Variants in ZCWPW2 observed in about 807,000 individuals in gnomAD.
ZCWPW2 encodes zinc finger CW-type PWWP domain protein 2.
In ZCWPW2, 45 loss-of-function variants were observed where a neutral mutation model predicts 46.6. The observed-to-expected ratio is 0.96, with a 90% CI of 0.76 to 1.24. The LOEUF (loss-of-function observed/expected upper bound fraction) is 1.24. ZCWPW2 is among the 50% of genes most tolerant of loss of function. The pLI is 0.00. For synonymous variants in ZCWPW2, 152 were observed against 137.1 expected (o/e 1.11, Z -0.76); for missense variants, 429 against 403.9 (o/e 1.06, Z -0.53).
rs1361024742 is a variant in ZCWPW2, at chr3:28,413,218, CA to C, written c.152del (p.Lys51ArgfsTer12). On this transcript the variant is annotated frameshift_variant, in exon 3 of 10. Coordinates refer to ENST00000383768, the MANE Select transcript of ZCWPW2 (RefSeq NM_001040432.4). LOFTEE classifies it high-confidence loss of function. ...GATTGTTATCAAGTGAGGATTCAGC[CA>C]AGGTTGATCATGATGAACCATGGTA... Reference protein sequence around the residue: ...WRLLSSEDSAKVDHDEPWYCF... With the variant: ...WRLLSSEDSAXVDHDEPWYCF... 3 of 1,613,146 alleles carry C rather than the reference CA, an allele frequency of 1.9e-6. No homozygotes were observed. Among genetic ancestry groups the C allele is most frequent in the Non-Finnish European group, 2.5e-6 (3 of 1,179,524 alleles).
At chr3:28,505,006 A>AAATTATTAG (rs1330583793) in intron 6 of ZCWPW2, among the ~76,000 whole-genome samples, 1 of 152,198 alleles carries the variant, frequency 6.6e-6, no homozygotes, top group African/African-American at 2.4e-5. Context: ...AAGGCTTTAA[A>AAATTATTAG]AATTATTAGT....
chr3:28,369,557 G>C (rs900745618), intron 1 of ZCWPW2, among the ~76,000 whole-genome samples: 2 of 152,298 alleles, frequency 1.3e-5, no homozygotes, highest in African/African-American at 4.8e-5. Flanking sequence ...TGAGGTGTCA[G>C]TCTGCCCCTA....
intron 4 of ZCWPW2, among the ~76,000 whole-genome samples, chr3:28,459,380 AAAAAAC>A (rs1031934380): frequency 6.7e-5 from 10 of 148,798 alleles, no homozygotes; most frequent in African/African-American, 2.3e-4. Context: ...CAAAGAAAAA[AAAAAAC>A]AAAAAACAAA....
chr3:28,379,808 G>A (rs1390837855), intron 1 of ZCWPW2, among the ~76,000 whole-genome samples: 1 of 152,020 alleles, frequency 6.6e-6, no homozygotes, highest in Non-Finnish European at 1.5e-5. Context: ...ATAGAAAAAC[G>A]TGACCATTTG....
At chr3:28,417,216 A>G (rs905802933) in intron 3 of ZCWPW2, among the ~76,000 whole-genome samples, 11 of 152,134 alleles carry the variant, frequency 7.2e-5, no homozygotes, top group African/African-American at 2.2e-4. Flanking sequence ...ACAAACTACC[A>G]TCAGAGAATA....
At chr3:28,487,247 CT>C (rs1699633226) in intron 5 of ZCWPW2, among the ~76,000 whole-genome samples, 1 of 151,910 alleles carries the variant, frequency 6.6e-6, no homozygotes, top group Non-Finnish European at 1.5e-5. Context: ...GTATGTCACA[CT>C]TTTCTAGTTG....
intron 5 of ZCWPW2, among the ~76,000 whole-genome samples, chr3:28,481,148 C>T (rs1294200672): frequency 6.6e-6 from 1 of 152,002 alleles, no homozygotes; most frequent in Non-Finnish European, 1.5e-5. Context: ...AGGTATGCGG[C>T]GTTATTTCTG....
chr3:28,469,666 G>T (rs1051241666), intron 4 of ZCWPW2, among the ~76,000 whole-genome samples: 12 of 151,192 alleles, frequency 7.9e-5, no homozygotes, highest in African/African-American at 2.7e-4. Flanking sequence ...TCATCAAGAG[G>T]ATATAACAGT....
At chr3:28,390,880 T>G (rs1023773788) in intron 2 of ZCWPW2, among the ~76,000 whole-genome samples, 1 of 152,138 alleles carries the variant, frequency 6.6e-6, no homozygotes, top group Non-Finnish European at 1.5e-5. Context: ...TTGGGTTGGT[T>G]AGGTGGAAGA....
chr3:28,368,248 C>T (rs1471097201), intron 1 of ZCWPW2, among the ~76,000 whole-genome samples: 2 of 152,116 alleles, frequency 1.3e-5, no homozygotes, highest in African/African-American at 4.8e-5. Context: ...CCTCGATGGT[C>T]TTTACAATTT....
intron 5 of ZCWPW2, among the ~76,000 whole-genome samples, 155 bp downstream of exon 5, chr3:28,479,086 G>A (rs950255620): frequency 1.3e-5 from 2 of 152,014 alleles, no homozygotes; most frequent in African/African-American, 2.4e-5. Context: ...TTATATCAAT[G>A]AATAGCATAT....
intron 6 of ZCWPW2, among the ~76,000 whole-genome samples, chr3:28,511,311 A>G (rs1268115359): frequency 6.6e-6 from 1 of 152,196 alleles, no homozygotes; most frequent in Non-Finnish European, 1.5e-5. Flanking sequence ...AAAATTATGA[A>G]ACTTGAAAAT....
chr3:28,358,547 T>C (rs1402770562), intron 1 of ZCWPW2, among the ~76,000 whole-genome samples: 1 of 152,162 alleles, frequency 6.6e-6, no homozygotes, highest in African/African-American at 2.4e-5. Flanking sequence ...TTGTCCTAGA[T>C]GAAAACATAT....
chr3:28,466,961 T>C (rs902035437), intron 4 of ZCWPW2, among the ~76,000 whole-genome samples: 15 of 152,098 alleles, frequency 9.9e-5, no homozygotes, highest in Non-Finnish European at 2.1e-4. Context: ...ACAAACTAAT[T>C]ATAAATTTGT....
chr3:28,523,859 A>G (rs2125841338), intron 9 of ZCWPW2, among the ~76,000 whole-genome samples: 1 of 152,246 alleles, frequency 6.6e-6, no homozygotes, highest in East Asian at 1.9e-4. Context: ...GAGGAAATAA[A>G]TTTTAGATTT....
At chr3:28,363,874 C>T (rs188319523) in intron 1 of ZCWPW2, among the ~76,000 whole-genome samples, 1 of 152,188 alleles carries the variant, frequency 6.6e-6, no homozygotes, top group Admixed American at 6.5e-5. Flanking sequence ...CCTTCCTCAT[C>T]TAGCCCTCTG....
At chr3:28,505,138 A>G (rs1172520922) in intron 6 of ZCWPW2, among the ~76,000 whole-genome samples, 1 of 152,118 alleles carries the variant, frequency 6.6e-6, no homozygotes, top group African/African-American at 2.4e-5. Context: ...ATCAACTGCT[A>G]TTTTTAGGGA....
intron 1 of ZCWPW2, among the ~76,000 whole-genome samples, chr3:28,366,966 A>G (rs1705141361): frequency 6.6e-6 from 1 of 152,070 alleles, no homozygotes; most frequent in South Asian, 2.1e-4. Flanking sequence ...GGTAGTTTGT[A>G]TTTCTGTGGG....
chr3:28,425,227 T>C (rs1182486821), intron 3 of ZCWPW2, among the ~76,000 whole-genome samples: 1 of 152,188 alleles, frequency 6.6e-6, no homozygotes, highest in Non-Finnish European at 1.5e-5. Context: ...ACCTTCTTAT[T>C]TACTGGAGAG....
Sources: gnomAD v4.1 joint callset for allele counts (sites outside exome capture counted in the v4.1 genomes callset) on GRCh38, gnomAD v4.1.1 for gene constraint, MANE v1.5 for transcripts, NCBI Gene and HGNC (gene_info 2026-07-23, HGNC 2026-07-21) for gene names.